The following KCNH1 variants were observed in gnomAD, a reference collection of about 807,000 sequenced individuals.
KCNH1 encodes voltage-gated delayed rectifier potassium channel KCNH1.
KCNH1 carries 27 observed loss-of-function variants against 69.2 expected under a neutral mutation model. The ratio of observed to expected loss-of-function variants is 0.39; its 90% CI spans 0.29 to 0.54. The LOEUF (loss-of-function observed/expected upper bound fraction) is 0.54. Ranked by LOEUF, KCNH1 falls within the 20% of genes least tolerant of loss-of-function variation. KCNH1 has a pLI of 0.68. For synonymous variants in KCNH1, 456 were observed against 487.7 expected (o/e 0.93, Z 0.86); for missense variants, 798 against 1,261.6 (o/e 0.63, Z 5.57).
chr1:210,707,395 C>T (rs952540839), intron 10 of KCNH1, among the ~76,000 whole-genome samples: 1 of 152,134 alleles, frequency 6.6e-6, no homozygotes, highest in African/African-American at 2.4e-5. Flanking sequence ...TGGCTTGACC[C>T]AGAGTCTCCT....
At chr1:211,072,880 T>C (rs1690672338) in intron 5 of KCNH1, among the ~76,000 whole-genome samples, 1 of 152,172 alleles carries the variant, frequency 6.6e-6, no homozygotes, top group Non-Finnish European at 1.5e-5. Context: ...AATTCAACTA[T>C]ATCAATAATC....
intron 6 of KCNH1, among the ~76,000 whole-genome samples, chr1:210,958,215 T>G (rs941379054): frequency 1.3e-5 from 2 of 152,316 alleles, no homozygotes; most frequent in South Asian, 4.1e-4. Flanking sequence ...GAAAATTCTT[T>G]TAAGAATGTT....
chr1:211,110,129 TA>T (rs1691432150), intron 1 of KCNH1, among the ~76,000 whole-genome samples: 1 of 152,054 alleles, frequency 6.6e-6, no homozygotes, highest in Non-Finnish European at 1.5e-5. Context: ...ACATTCTCTT[TA>T]AAATTAAAAC....
chr1:210,856,753 G>C (rs1461772346), intron 7 of KCNH1, among the ~76,000 whole-genome samples: 1 of 142,886 alleles, frequency 7.0e-6, no homozygotes, highest in African/African-American at 2.6e-5. Flanking sequence ...ATCACCGGTA[G>C]AGGAGGTGTT....
chr1:211,006,057 A>C (rs1219114140), intron 6 of KCNH1, among the ~76,000 whole-genome samples: 1 of 152,130 alleles, frequency 6.6e-6, no homozygotes, highest in African/African-American at 2.4e-5. Context: ...ACAACTAAAA[A>C]CTCATTGGAT....
intron 10 of KCNH1, among the ~76,000 whole-genome samples, chr1:210,727,384 C>T (rs962659303): frequency 2.0e-5 from 3 of 152,046 alleles, no homozygotes; most frequent in South Asian, 2.1e-4. Flanking sequence ...ATTTTGATAG[C>T]GATACAGTCT....
At chr1:211,080,989 C>T (rs1690845676) in intron 5 of KCNH1, among the ~76,000 whole-genome samples, 1 of 152,158 alleles carries the variant, frequency 6.6e-6, no homozygotes, top group African/African-American at 2.4e-5. Flanking sequence ...AACTAAAGAG[C>T]TTCTGCACAG....
intron 7 of KCNH1, among the ~76,000 whole-genome samples, chr1:210,834,795 G>A (rs1316965643): frequency 2.0e-5 from 3 of 152,164 alleles, no homozygotes; most frequent in Non-Finnish European, 4.4e-5. Flanking sequence ...ACCAATGGAA[G>A]TAGCATGGGA....
chr1:210,734,563 C>T (rs1474745821), intron 10 of KCNH1, among the ~76,000 whole-genome samples: 1 of 152,130 alleles, frequency 6.6e-6, no homozygotes, highest in Non-Finnish European at 1.5e-5. Flanking sequence ...CCCGCCACCC[C>T]CCACCAAAAC....
chr1:211,039,404 G>A (rs920841964), intron 5 of KCNH1, among the ~76,000 whole-genome samples: 2 of 152,212 alleles, frequency 1.3e-5, no homozygotes, highest in Non-Finnish European at 2.9e-5. Context: ...CCCACACAGA[G>A]TCCCTACTGG....
intron 7 of KCNH1, among the ~76,000 whole-genome samples, chr1:210,812,296 A>T (rs984516249): frequency 6.6e-6 from 1 of 151,854 alleles, no homozygotes; most frequent in African/African-American, 2.4e-5. Flanking sequence ...AGACTTTAAC[A>T]CCCTCCTTTG....
chr1:210,844,112 G>C (rs1435528758), intron 7 of KCNH1, among the ~76,000 whole-genome samples: 3 of 152,126 alleles, frequency 2.0e-5, no homozygotes, highest in African/African-American at 7.2e-5. Context: ...TTTTGGTTTA[G>C]CTGAATTTTT....
At chr1:210,829,488 C>T (rs1685113308) in intron 7 of KCNH1, among the ~76,000 whole-genome samples, 1 of 152,032 alleles carries the variant, frequency 6.6e-6, no homozygotes, top group South Asian at 2.1e-4. Flanking sequence ...AATCATGTCC[C>T]CTCGACTCCC....
intron 6 of KCNH1, among the ~76,000 whole-genome samples, chr1:210,957,541 G>A (rs888674294): frequency 6.6e-6 from 1 of 152,188 alleles, no homozygotes; most frequent in Middle Eastern, 3.4e-3. Context: ...ATTATTGTGT[G>A]GGAGCCTAAG....
chr1:210,775,655 G>A (rs1683845834), intron 9 of KCNH1, 111 bp from the exon 10 acceptor site: 2 of 725,360 alleles, frequency 2.8e-6, no homozygotes, highest in Admixed American at 2.6e-5. Context: ...TCTGCAGATT[G>A]GGCTCAGAGA....
chr1:210,686,909 T>G (rs1023831041), intron 10 of KCNH1, among the ~76,000 whole-genome samples: 12 of 152,234 alleles, frequency 7.9e-5, no homozygotes, highest in Non-Finnish European at 1.6e-4. Flanking sequence ...TGTTCCCAAT[T>G]TCCAGCTGTT....
intron 7 of KCNH1, among the ~76,000 whole-genome samples, chr1:210,812,361 C>G (rs1684722726): frequency 6.6e-6 from 1 of 152,152 alleles, no homozygotes; most frequent in African/African-American, 2.4e-5. Flanking sequence ...TCTTACTATC[C>G]TGCCACCCTG....
At position 211,133,539 on chromosome 1, in the gene KCNH1, C is replaced by T. The variant is rs1220745651; in HGVS notation, c.79+328G>A. On this transcript the variant is annotated intron_variant, in intron 1 of 10. Transcript: ENST00000271751. The surrounding 1 kb of genome is among the most constrained non-coding windows in gnomAD (Gnocchi z 5.4). ...AGTGCCGATGGGGCGCGCGCTGCCG[C>T]TCCGGCTGCAGCCAGCTTTCCATCA... Among the ~76,000 whole-genome samples the T allele has an allele frequency of 6.6e-6, 1 of 152,186 alleles. No homozygotes were observed. Among genetic ancestry groups the T allele is most frequent in the Non-Finnish European group, 1.5e-5 (1 of 68,038 alleles).
rs533087853 is a variant in KCNH1 at position 211,133,577 on chromosome 1, CT to C, written c.79+289del. Among the ~76,000 whole-genome samples the C allele has an allele frequency of 4.6e-4, 70 of 152,296 alleles. No homozygotes were observed. Among genetic ancestry groups the C allele is most frequent in the South Asian group, 3.5e-3 (17 of 4,828 alleles). ...CAGCTTTCCATCACTTTTCCCAGTACTTTGCTCAGCAGCTGTCACGCATCCT... is the reference window on the plus strand; with the variant it reads ...CAGCTTTCCATCACTTTTCCCAGTACTTGCTCAGCAGCTGTCACGCATCCT... On this transcript the variant is annotated intron_variant, in intron 1 of 10. Coordinates refer to ENST00000271751, the MANE Select transcript of KCNH1 (RefSeq NM_172362.3). The surrounding 1 kb of genome is among the most constrained non-coding windows in gnomAD (Gnocchi z 5.4).
Sources: allele counts gnomAD v4.1 joint callset (sites outside exome capture counted in the v4.1 genomes callset), GRCh38; gene constraint gnomAD v4.1.1; non-coding constraint Gnocchi (gnomAD v3.1); transcripts MANE v1.5; gene names NCBI Gene and HGNC (gene_info 2026-07-23, HGNC 2026-07-21).